The following LPAR1 variants were observed in gnomAD, a reference collection of about 807,000 sequenced individuals.
LPAR1 encodes the protein LPA receptor 1.
LPAR1 carries 5 observed loss-of-function variants against 23.8 expected under a neutral mutation model. The ratio of observed to expected loss-of-function variants is 0.21; its 90% CI spans 0.11 to 0.44. The LOEUF is 0.44. Among genes scored for constraint, LPAR1 ranks in the 20% least tolerant of loss-of-function variants. The pLI is 0.99. For synonymous variants in LPAR1, 160 were observed against 164.7 expected (o/e 0.97, Z 0.22); for missense variants, 311 against 482.8 (o/e 0.64, Z 3.33).
intron 4 of LPAR1, among the ~76,000 whole-genome samples, chr9:110,950,495 T>TA (rs2095536841): frequency 6.6e-6 from 1 of 150,860 alleles, no homozygotes; most frequent in African/African-American, 2.4e-5. Context: ...TGGAAATTTT[T>TA]AAAAAACCTT....
intron 4 of LPAR1, among the ~76,000 whole-genome samples, chr9:110,967,763 G>A (rs149182928): frequency 1.5e-4 from 23 of 152,260 alleles, no homozygotes; most frequent in Middle Eastern, 3.4e-3. Flanking sequence ...TAGAAGCTTC[G>A]GGGCAAGGGC....
intron 5 of LPAR1, among the ~76,000 whole-genome samples, chr9:110,914,619 A>G (rs986406420): frequency 3.3e-5 from 5 of 152,192 alleles, no homozygotes; most frequent in African/African-American, 1.2e-4. Context: ...TCTCTAGAAC[A>G]ATTCTGGTTG....
intron 4 of LPAR1, among the ~76,000 whole-genome samples, chr9:110,968,946 G>A (rs2096315267): frequency 6.6e-6 from 1 of 152,088 alleles, no homozygotes; most frequent in Admixed American, 6.6e-5. Flanking sequence ...GCACTAAGAG[G>A]GTGGATACCT....
chr9:110,944,830 A>AC (rs1290353497), intron 4 of LPAR1, among the ~76,000 whole-genome samples: 2 of 152,204 alleles, frequency 1.3e-5, no homozygotes, highest in African/African-American at 2.4e-5. Context: ...GATAAAACTT[A>AC]AATGATTTTC....
At chr9:110,998,241 G>C (rs1158354201) in intron 2 of LPAR1, among the ~76,000 whole-genome samples, 1 of 152,186 alleles carries the variant, frequency 6.6e-6, no homozygotes, top group Non-Finnish European at 1.5e-5. Context: ...CAAGACTAAA[G>C]TCTCTGATAA....
chr9:110,928,894 C>A (rs2135551162), intron 5 of LPAR1, among the ~76,000 whole-genome samples: 1 of 152,348 alleles, frequency 6.6e-6, no homozygotes, highest in East Asian at 1.9e-4. Flanking sequence ...GCTACCTTCT[C>A]TCTCCCAAGA....
intron 4 of LPAR1, among the ~76,000 whole-genome samples, chr9:110,961,544 C>T (rs112157320): frequency 0.047 from 6,806 of 143,572 alleles, 179 homozygotes; most frequent in South Asian, 0.074. Flanking sequence ...CGCTTGAAAC[C>T]GGGAGGCAGA....
intron 4 of LPAR1, among the ~76,000 whole-genome samples, chr9:110,951,345 G>A (rs1411352674): frequency 1.3e-5 from 2 of 151,978 alleles, no homozygotes. Flanking sequence ...AATCTAATGA[G>A]TGAAAAGAAA....
At chr9:111,010,773 C>T (rs2097316521) in intron 2 of LPAR1, among the ~76,000 whole-genome samples, 1 of 152,150 alleles carries the variant, frequency 6.6e-6, no homozygotes, top group African/African-American at 2.4e-5. Flanking sequence ...ATATTATTAG[C>T]TAATGATAGG....
rs116733096 is a variant in LPAR1, at chr9:110,884,634, T to C, written c.794-8912A>G. On this transcript the variant is annotated intron_variant, in intron 5 of 5. Transcript: ENST00000683809. Reference sequence around the variant, plus strand: ...TTTCTCATCCTCTCCTACCTGAAACTGTCACAATGTCTTTCATTAACTTTG... The same window carrying C: ...TTTCTCATCCTCTCCTACCTGAAACCGTCACAATGTCTTTCATTAACTTTG... Among the ~76,000 whole-genome samples, 1,030 of 152,346 alleles carry C rather than the reference T, an allele frequency of 6.8e-3. 14 individuals are homozygous for C. Among genetic ancestry groups the C allele is most frequent in the African/African-American group, 0.023 (973 of 41,578 alleles).
At chr9:110,964,204 G>T (rs1481806049) in intron 4 of LPAR1, among the ~76,000 whole-genome samples, 2 of 152,152 alleles carry the variant, frequency 1.3e-5, no homozygotes, top group Admixed American at 1.3e-4. Flanking sequence ...AGAAAATAAA[G>T]AGAGGAAGTG....
chr9:110,905,899 T>C (rs2023039302), intron 5 of LPAR1, among the ~76,000 whole-genome samples: 1 of 152,148 alleles, frequency 6.6e-6, no homozygotes. Context: ...TTCAGTTTCT[T>C]CATTTGTGAA....
rs115619883 is a variant in LPAR1, at chr9:110,979,153, A to C, written c.-181-5595T>G. Reference sequence around the variant, plus strand: ...ATGCATTTGTTAATTAGCTAGACTTAACCATTCCACAATATATATATACTC... The same window carrying C: ...ATGCATTTGTTAATTAGCTAGACTTCACCATTCCACAATATATATATACTC... On this transcript the variant is annotated intron_variant, in intron 2 of 5. Coordinates refer to ENST00000683809, the MANE Select transcript of LPAR1 (RefSeq NM_001351411.2). Among the ~76,000 whole-genome samples, 1,466 of 152,220 alleles carry C rather than the reference A, an allele frequency of 9.6e-3. 24 individuals carry two copies. The highest frequency in any genetic ancestry group is 0.032 in the African/African-American group (1,336 of 41,530).
At chr9:110,940,476 G>GT (rs1194860340) in intron 5 of LPAR1, among the ~76,000 whole-genome samples, 7 of 151,816 alleles carry the variant, frequency 4.6e-5, no homozygotes, top group South Asian at 2.1e-4. Context: ...GTGATAAAAT[G>GT]TTTTTTTTCA....
intron 2 of LPAR1, among the ~76,000 whole-genome samples, chr9:111,001,594 AT>A (rs1320597288): frequency 6.6e-6 from 1 of 152,192 alleles, no homozygotes; most frequent in Non-Finnish European, 1.5e-5. Flanking sequence ...TAACATCCAG[AT>A]GGACTAAAGG....
intron 5 of LPAR1, among the ~76,000 whole-genome samples, chr9:110,939,103 C>T (rs1223671460): frequency 6.6e-6 from 1 of 152,144 alleles, no homozygotes; most frequent in Non-Finnish European, 1.5e-5. Context: ...TGGGGTTTGC[C>T]TACATTATGA....
At chr9:110,892,623 C>T (rs2084607655) in intron 5 of LPAR1, among the ~76,000 whole-genome samples, 1 of 149,764 alleles carries the variant, frequency 6.7e-6, no homozygotes, top group South Asian at 2.1e-4. Flanking sequence ...GAGATCATGC[C>T]ACTGCACTCC....
intron 5 of LPAR1, among the ~76,000 whole-genome samples, chr9:110,937,641 A>G (rs1481147859): frequency 6.6e-6 from 1 of 152,208 alleles, no homozygotes. Context: ...AAGATCCAGT[A>G]CTCACTCAAA....
intron 4 of LPAR1, among the ~76,000 whole-genome samples, chr9:110,964,768 A>T (rs2096137784): frequency 6.6e-6 from 1 of 152,110 alleles, no homozygotes; most frequent in African/African-American, 2.4e-5. Context: ...CAGATTTTGA[A>T]AATACATATT....
Sources: gnomAD v4.1 joint callset for allele counts (sites outside exome capture counted in the v4.1 genomes callset) on GRCh38, gnomAD v4.1.1 for gene constraint, MANE v1.5 for transcripts, NCBI Gene and HGNC (gene_info 2026-07-23, HGNC 2026-07-21) for gene names.